The following PODXL2 variants were observed in gnomAD, a reference collection of about 807,000 sequenced individuals.
PODXL2 encodes the protein podocalyxin like 2.
In PODXL2, 17 loss-of-function variants were observed where a neutral mutation model predicts 53.4. That is an observed-to-expected ratio of 0.32 (90% CI 0.22 to 0.48). The LOEUF is 0.48. Ranked by LOEUF, PODXL2 falls within the 20% of genes least tolerant of loss-of-function variation. The pLI, the probability that PODXL2 is intolerant of heterozygous loss-of-function variation, is 0.99. For synonymous variants in PODXL2, 311 were observed against 306.7 expected (o/e 1.01, Z -0.15); for missense variants, 673 against 760.0 (o/e 0.89, Z 1.35).
intron 2 of PODXL2, 93 bp from the exon 3 acceptor site, chr3:127,660,285 T>C: frequency 1.3e-6 from 2 of 1,510,084 alleles, no homozygotes; most frequent in South Asian, 1.3e-5. Context: ...CCTGTCAGTG[T>C]ATTGTGGTTC....
chr3:127,661,132 A>G lies in PODXL2; in HGVS notation c.1104A>G (p.Gln368=), dbSNP rs930836293. The G allele has an allele frequency of 1.2e-6, 2 of 1,613,924 alleles. No homozygotes were observed. The highest frequency in any genetic ancestry group is 1.3e-5 in the African/African-American group (1 of 74,922). The change falls in exon 3 of 8, where the codon CAA becomes CAG. Residue 368 remains glutamine, a synonymous_variant. Coordinates refer to ENST00000342480, the MANE Select transcript of PODXL2 (RefSeq NM_015720.4). ...TAGAAGGGCAGGCAGCTGAAGCTCA[A>G]TCCAGGATACCCTGGGATTCTACGC... ...QLLEGQAAEA[Q]SRIPWDSTQV...
chr3:127,668,155 G>A (rs1559879405), intron 4 of PODXL2, among the ~76,000 whole-genome samples: 3 of 148,926 alleles, frequency 2.0e-5, no homozygotes, highest in Admixed American at 6.7e-5. Flanking sequence ...CCCAGCCCCC[G>A]CCCCGCTCAA....
chr3:127,635,915 T>A (rs1305620264), intron 1 of PODXL2, among the ~76,000 whole-genome samples: 1 of 152,220 alleles, frequency 6.6e-6, no homozygotes, highest in Non-Finnish European at 1.5e-5. Flanking sequence ...CTTGTCTGGC[T>A]CTCTCACTTT....
intron 4 of PODXL2, among the ~76,000 whole-genome samples, chr3:127,663,121 G>A (rs2074777554): frequency 6.6e-6 from 1 of 152,154 alleles, no homozygotes; most frequent in Admixed American, 6.5e-5. Flanking sequence ...CTTCTGCCAG[G>A]GAGAAGGGAC....
chr3:127,658,519 A>G (rs1347187844), intron 2 of PODXL2, among the ~76,000 whole-genome samples: 1 of 151,578 alleles, frequency 6.6e-6, no homozygotes, highest in Non-Finnish European at 1.5e-5. Flanking sequence ...TTATTTTGCA[A>G]TCACACTTGA....
chr3:127,660,514 GGAGGAAGAA>G lies in PODXL2; in HGVS notation c.495_503del (p.Glu170_Glu172del). 1.2e-6 allele frequency: 2 copies of G among 1,614,100 alleles called. No individual in the cohort carries two copies. Among genetic ancestry groups the G allele is most frequent in the Non-Finnish European group, 1.7e-6 (2 of 1,180,010 alleles). ...CTCCCTGGCATATGCCTCCCAGAGA[GGAGGAAGAA>G]GAGGAAGAGGAAGAGGAGGAGAGGG... On this transcript the variant is annotated inframe_deletion, in exon 3 of 8. Coordinates refer to ENST00000342480, the MANE Select transcript of PODXL2 (RefSeq NM_015720.4).
intron 2 of PODXL2, among the ~76,000 whole-genome samples, chr3:127,650,992 C>T (rs55637515): frequency 6.6e-6 from 1 of 152,112 alleles, no homozygotes; most frequent in Non-Finnish European, 1.5e-5. Context: ...AGGCTGGGTG[C>T]GATGGCTCAC....
At chr3:127,651,475 T>A (rs1159247675) in intron 2 of PODXL2, among the ~76,000 whole-genome samples, 1 of 152,174 alleles carries the variant, frequency 6.6e-6, no homozygotes, top group Non-Finnish European at 1.5e-5. Context: ...GAGATGGACT[T>A]GAGTTGTAAA....
At position 127,629,371 on chromosome 3, in the gene PODXL2, A is replaced by G. The variant is rs2107700896; in HGVS notation, c.70+82A>G. ...TGGACAGCTCCCCGGGCCGCCAACA[A>G]AGGGGCCAGAGTGCGGCGCCGCCGG... On this transcript the variant is annotated intron_variant, in intron 1 of 7. Transcript: ENST00000342480. This position sits in a 1 kb window ranked among gnomAD's most constrained non-coding sequence, Gnocchi z 6.4. 2 of 978,948 alleles carry G rather than the reference A, an allele frequency of 2.0e-6. No individual in the cohort carries two copies. Among genetic ancestry groups the G allele is most frequent in the Non-Finnish European group, 2.4e-6 (2 of 823,992 alleles). The allele number at this position is 978,948 out of a possible 1,614,324, so 60.6% of individuals were successfully genotyped here. A position where few individuals can be genotyped will look rare whatever the true frequency, so the allele number is the denominator to read the frequency against.
chr3:127,661,187 C>T (rs1453104192), intron 3 of PODXL2, 28 bp downstream of exon 3: 2 of 1,545,310 alleles, frequency 1.3e-6, no homozygotes, highest in South Asian at 2.3e-5. Flanking sequence ...CGGGCCACCA[C>T]CCTGTACCTT....
intron 3 of PODXL2, among the ~76,000 whole-genome samples, chr3:127,661,415 A>G (rs2074766761): frequency 6.7e-6 from 1 of 149,664 alleles, no homozygotes; most frequent in African/African-American, 2.4e-5. Context: ...ATGTGTTACC[A>G]TTGCCACCCT....
At chr3:127,631,522 C>G (rs1364385393) in intron 1 of PODXL2, among the ~76,000 whole-genome samples, 2 of 152,140 alleles carry the variant, frequency 1.3e-5, no homozygotes, top group Admixed American at 6.5e-5. Context: ...CATGTGCCAT[C>G]TTTTTCTCTC....
intron 2 of PODXL2, among the ~76,000 whole-genome samples, chr3:127,639,796 A>G (rs1353598353): frequency 1.3e-5 from 2 of 152,210 alleles, no homozygotes; most frequent in Non-Finnish European, 2.9e-5. Context: ...CCTGAGAGAT[A>G]AGTAATATGA....
intron 2 of PODXL2, among the ~76,000 whole-genome samples, chr3:127,645,255 A>G (rs1370180183): frequency 1.3e-5 from 2 of 152,198 alleles, no homozygotes; most frequent in Non-Finnish European, 2.9e-5. Context: ...GCCCAAGGAC[A>G]CATTGCTTGG....
chr3:127,670,241 A>G (rs1050204438), intron 6 of PODXL2, among the ~76,000 whole-genome samples: 8 of 152,092 alleles, frequency 5.3e-5, no homozygotes, highest in African/African-American at 1.7e-4. Flanking sequence ...GAAGCGGGAG[A>G]GGTTAGGTGA....
chr3:127,664,133 T>C (rs1270555355), intron 4 of PODXL2, among the ~76,000 whole-genome samples: 1 of 152,192 alleles, frequency 6.6e-6, no homozygotes, highest in Non-Finnish European at 1.5e-5. Flanking sequence ...ACCCATTAAA[T>C]GACTACCTGT....
intron 4 of PODXL2, among the ~76,000 whole-genome samples, chr3:127,666,362 CTTT>C (rs58975531): frequency 2.3e-4 from 33 of 142,842 alleles, no homozygotes; most frequent in Admixed American, 3.5e-4. Flanking sequence ...AGAGGTACTT[CTTT>C]TTTTTTTTTT....
chr3:127,648,787 C>CTTTTTTTTTT (rs988325770), intron 2 of PODXL2, among the ~76,000 whole-genome samples: 1 of 97,854 alleles, frequency 1.0e-5, no homozygotes, highest in Non-Finnish European at 2.1e-5. Context: ...TTTTGTATTT[C>CTTTTTTTTTT]TTTTTTTTTT....
At chr3:127,670,714 C>T (rs574890383) in intron 6 of PODXL2, among the ~76,000 whole-genome samples, 7 of 152,282 alleles carry the variant, frequency 4.6e-5, no homozygotes, top group Non-Finnish European at 8.8e-5. Flanking sequence ...TGATCCCTCA[C>T]CTGAGGAGCC....
Sources: gnomAD v4.1 joint callset for allele counts (sites outside exome capture counted in the v4.1 genomes callset) on GRCh38, gnomAD v4.1.1 for gene constraint, Gnocchi (gnomAD v3.1) non-coding constraint, MANE v1.5 for transcripts, NCBI Gene and HGNC (gene_info 2026-07-23, HGNC 2026-07-21) for gene names.